The following HS3ST4 variants were observed in gnomAD, a reference collection of about 807,000 sequenced individuals.
HS3ST4 encodes the protein heparan sulfate-glucosamine 3-sulfotransferase 4, also known as heparan sulfate glucosamine 3-O-sulfotransferase 4.
In HS3ST4, 17 loss-of-function variants were observed where a neutral mutation model predicts 29.2. That is an observed-to-expected ratio of 0.58 (90% confidence interval 0.40 to 0.87). The LOEUF is 0.87. HS3ST4 is among the 40% of genes least tolerant of loss of function. HS3ST4 has a pLI of 0.00. For synonymous variants in HS3ST4, 314 were observed against 285.7 expected (o/e 1.10, Z -1.00); for missense variants, 627 against 634.5 (o/e 0.99, Z 0.13).
chr16:25,776,230 A>C (rs1042791317), intron 1 of HS3ST4, among the ~76,000 whole-genome samples: 3 of 152,180 alleles, frequency 2.0e-5, no homozygotes, highest in African/African-American at 7.2e-5. Context: ...ATGACTGTGA[A>C]AGGAATATAT....
intron 1 of HS3ST4, among the ~76,000 whole-genome samples, chr16:25,969,463 G>A (rs1968875495): frequency 6.6e-6 from 1 of 152,188 alleles, no homozygotes; most frequent in Non-Finnish European, 1.5e-5. Context: ...CGTGGGGGTG[G>A]AGGCACAGTC....
rs572697955 is a variant in HS3ST4 at position 25,723,390 on chromosome 16, A to G, written c.734+30239A>G. 5.3e-5 allele frequency among the ~76,000 whole-genome samples: 8 copies of G among 152,262 alleles called. No homozygotes were observed. The East Asian group carries it at 1.4e-3, about 26-fold the overall frequency. ...TTTAGCATGTATGATTCTTTCCTCA[A>G]ATCTTCATTGGATTTCAACCAAGCA... On this transcript the variant is annotated intron_variant, in intron 1 of 1. Transcript: ENST00000331351.
chr16:25,828,336 CTCTTTCT>C (rs1225537513), intron 1 of HS3ST4, among the ~76,000 whole-genome samples: 2 of 134,756 alleles, frequency 1.5e-5, no homozygotes, highest in East Asian at 4.1e-4. Flanking sequence ...CTCTCTCTCT[CTCTTTCT>C]CCCTTTCTCT....
At chr16:26,053,178 A>G (rs1363279636) in intron 1 of HS3ST4, among the ~76,000 whole-genome samples, 1 of 152,240 alleles carries the variant, frequency 6.6e-6, no homozygotes, top group Non-Finnish European at 1.5e-5. Context: ...ATCCTGATAC[A>G]TAAGACGCTC....
chr16:25,781,004 C>G (rs1447274927), intron 1 of HS3ST4, among the ~76,000 whole-genome samples: 2 of 152,148 alleles, frequency 1.3e-5, no homozygotes, highest in Non-Finnish European at 2.9e-5. Context: ...CACAGTTGCA[C>G]ATTAATAATT....
chr16:26,013,766 G>T lies in HS3ST4; in HGVS notation c.735-121846G>T, dbSNP rs552665947. On this transcript the variant is annotated intron_variant, in intron 1 of 1. Coordinates refer to ENST00000331351, the MANE Select transcript of HS3ST4 (RefSeq NM_006040.3). ...GGCTCATGCCTGTAATCCCAGCACT[G>T]TGGGAGGCTAAGGTGGGCAGATCAT... Among the ~76,000 whole-genome samples, 9 of 152,184 alleles carry T rather than the reference G, an allele frequency of 5.9e-5. No homozygotes were observed. In the East Asian group the frequency reaches 1.7e-3, roughly 30 times the overall value.
At chr16:26,095,579 A>G (rs1273749522) in intron 1 of HS3ST4, among the ~76,000 whole-genome samples, 4 of 152,230 alleles carry the variant, frequency 2.6e-5, no homozygotes, top group African/African-American at 4.8e-5. Context: ...GAGAACAAAG[A>G]CACAAAGTAC....
intron 1 of HS3ST4, among the ~76,000 whole-genome samples, chr16:26,096,430 C>T (rs1898926508): frequency 6.6e-6 from 1 of 152,178 alleles, no homozygotes; most frequent in Non-Finnish European, 1.5e-5. Flanking sequence ...GGATGCAAGG[C>T]TGGTTCAACA....
chr16:25,766,519 T>G (rs1021645461), intron 1 of HS3ST4, among the ~76,000 whole-genome samples: 1 of 152,240 alleles, frequency 6.6e-6, no homozygotes, highest in African/African-American at 2.4e-5. Flanking sequence ...TCCTGTCCAC[T>G]CACTCACTGT....
At position 25,693,155 on chromosome 16, in the gene HS3ST4, G is replaced by C; in HGVS notation, c.734+4G>C. Reference sequence around the variant, plus strand: ...AAAAGGGGTTGGAGTGGTACAGGTAGGACCCTGGGCTCCGCGGGCTGGTGG... The same window carrying C: ...AAAAGGGGTTGGAGTGGTACAGGTACGACCCTGGGCTCCGCGGGCTGGTGG... On this transcript the variant is annotated splice_donor_region_variant and intron_variant, in intron 1 of 1. Transcript: ENST00000331351. 1 of 1,580,926 alleles carries C rather than the reference G, an allele frequency of 6.3e-7. No individual in the cohort carries two copies. The highest frequency in any genetic ancestry group is 8.6e-7 in the Non-Finnish European group (1 of 1,164,700).
At chr16:25,836,933 CT>C (rs1967362475) in intron 1 of HS3ST4, among the ~76,000 whole-genome samples, 1 of 152,236 alleles carries the variant, frequency 6.6e-6, no homozygotes, top group Non-Finnish European at 1.5e-5. Flanking sequence ...ATCAGTAACA[CT>C]GGCCATCGTA....
chr16:25,947,135 C>A (rs115401710), intron 1 of HS3ST4, among the ~76,000 whole-genome samples: 1 of 152,016 alleles, frequency 6.6e-6, no homozygotes, highest in Non-Finnish European at 1.5e-5. Flanking sequence ...TGGCTCTGAT[C>A]GCAATGTGGA....
intron 1 of HS3ST4, among the ~76,000 whole-genome samples, chr16:26,059,096 G>T (rs187428714): frequency 5.3e-5 from 8 of 152,228 alleles, no homozygotes; most frequent in Non-Finnish European, 8.8e-5. Flanking sequence ...CCAAAGAAGC[G>T]ATCCTAAGCC....
intron 1 of HS3ST4, chr16:25,825,835 G>A (rs1967209370): frequency 1.3e-5 from 2 of 152,148 alleles, no homozygotes; most frequent in Admixed American, 1.3e-4. Flanking sequence ...TGGTAAATGA[G>A]GCCCATACTT....
At chr16:25,908,999 G>A (rs1009416945) in intron 1 of HS3ST4, among the ~76,000 whole-genome samples, 2 of 152,202 alleles carry the variant, frequency 1.3e-5, no homozygotes, top group African/African-American at 2.4e-5. Context: ...CATTTCACAT[G>A]AGTCCTTGCT....
At chr16:25,965,982 T>G (rs1968838491) in intron 1 of HS3ST4, among the ~76,000 whole-genome samples, 1 of 152,196 alleles carries the variant, frequency 6.6e-6, no homozygotes, top group Admixed American at 6.5e-5. Flanking sequence ...CCTGGCCCCA[T>G]GTTGTTTAAT....
chr16:26,037,072 A>G (rs1596658630), intron 1 of HS3ST4, among the ~76,000 whole-genome samples: 2 of 152,312 alleles, frequency 1.3e-5, no homozygotes, highest in East Asian at 1.9e-4. Context: ...CAATCAAGGT[A>G]TCTCACTTCC....
At chr16:25,927,875 A>G (rs1968421897) in intron 1 of HS3ST4, among the ~76,000 whole-genome samples, 1 of 151,932 alleles carries the variant, frequency 6.6e-6, no homozygotes, top group South Asian at 2.1e-4. Flanking sequence ...TTGAAAAGAC[A>G]CAGTCTCTGT....
Position 26,092,817 on chromosome 16 carries a change from G to A in HS3ST4, c.735-42795G>A, listed in dbSNP as rs150474665. ...CTCACCCGGGAAGTGCAAGGGGTCG[G>A]GGAATTTCCCTTTCCTAGCCAGGGA... On this transcript the variant is annotated intron_variant, in intron 1 of 1. Coordinates refer to ENST00000331351, the MANE Select transcript of HS3ST4 (RefSeq NM_006040.3). Among the ~76,000 whole-genome samples, 1,294 of 152,274 alleles carry A rather than the reference G, an allele frequency of 8.5e-3. 12 individuals carry two copies. The highest frequency in any genetic ancestry group is 0.028 in the African/African-American group (1,169 of 41,542).
Sources: gnomAD v4.1 joint callset for allele counts (sites outside exome capture counted in the v4.1 genomes callset) on GRCh38, gnomAD v4.1.1 for gene constraint, MANE v1.5 for transcripts, NCBI Gene and HGNC (gene_info 2026-07-23, HGNC 2026-07-21) for gene names.